The following TDRD12 variants were observed in gnomAD, a reference collection of about 807,000 sequenced individuals.
The protein encoded by TDRD12 is tudor domain containing 12, also known as putative ATP-dependent RNA helicase TDRD12.
TDRD12 carries 158 observed loss-of-function variants against 133.5 expected under a neutral mutation model. The ratio of observed to expected loss-of-function variants is 1.18; its 90% confidence interval spans 1.04 to 1.35. The LOEUF is 1.35. Ranked by LOEUF, TDRD12 falls within the 40% of genes most tolerant of loss-of-function variation. TDRD12 has a pLI of 0.00. For missense variants in TDRD12, 1,443 were observed against 1,321.3 expected, an observed-to-expected ratio of 1.09 and a Z score of -1.43; for synonymous variants, 460 against 477.9, an observed-to-expected ratio of 0.96 and a Z score of 0.49.
At chr19:32,771,601 T>TA (rs1297423638) in intron 8 of TDRD12, among the ~76,000 whole-genome samples, 1 of 151,102 alleles carries the variant, frequency 6.6e-6, no homozygotes, top group Non-Finnish European at 1.5e-5. Flanking sequence ...TTTTTTTTTT[T>TA]AACTCTTTAT....
chr19:32,743,188 TACACGCGC>T (rs1969484431), intron 4 of TDRD12, among the ~76,000 whole-genome samples: 1 of 152,270 alleles, frequency 6.6e-6, no homozygotes, highest in Admixed American at 6.5e-5. Flanking sequence ...TATACATGTG[TACACGCGC>T]ACGCGCGCAC....
rs535124824 is a variant in TDRD12 at position 32,793,536 on chromosome 19, T to C, written c.1288-1092T>C. Among the ~76,000 whole-genome samples the C allele has an allele frequency of 3.9e-5, 6 of 152,156 alleles. No homozygotes were observed. The South Asian group carries it at 1.2e-3, about 32-fold the overall frequency. On this transcript the variant is annotated intron_variant, in intron 13 of 27. Transcript: ENST00000444215. ...GACCTCACAGAGCTCATGGTGCCGA[T>C]GAGCTCGGCCATTTGGAAGATCCTA...
chr19:32,767,916 C>T (rs1001772305), intron 8 of TDRD12, among the ~76,000 whole-genome samples: 1 of 152,150 alleles, frequency 6.6e-6, no homozygotes, highest in African/African-American at 2.4e-5. Flanking sequence ...TTTGTGCTAC[C>T]TGTAAGCTAA....
chr19:32,797,864 G>A, exon 15 of TDRD12: 1 of 699,802 alleles, frequency 1.4e-6, no homozygotes, highest in South Asian at 1.5e-5. Flanking sequence ...TAAAGAGGAA[G>A]CCAAAAATAC....
At chr19:32,728,067 T>C (rs1422718660) in intron 1 of TDRD12, among the ~76,000 whole-genome samples, 1 of 152,202 alleles carries the variant, frequency 6.6e-6, no homozygotes, top group East Asian at 1.9e-4. Context: ...TCAAAAATCA[T>C]TTGACTAGAC....
At chr19:32,760,276 G>T (rs2145561263) in intron 8 of TDRD12, among the ~76,000 whole-genome samples, 1 of 152,338 alleles carries the variant, frequency 6.6e-6, no homozygotes, top group East Asian at 1.9e-4. Flanking sequence ...AAAAGATAAT[G>T]TGAGGTGTAA....
chr19:32,752,230 A>T (rs946272525), intron 6 of TDRD12, among the ~76,000 whole-genome samples: 7 of 151,398 alleles, frequency 4.6e-5, no homozygotes, highest in African/African-American at 1.7e-4. Context: ...CCCAGGCTGG[A>T]TCTCAATGGT....
downstream of TDRD12, among the ~76,000 whole-genome samples, chr19:32,822,477 G>A (rs573325444): frequency 1.3e-5 from 2 of 152,268 alleles, no homozygotes; most frequent in East Asian, 3.9e-4. Context: ...GCTGGGTGCG[G>A]TGTCTCACGC....
At chr19:32,807,424 T>G (rs116935499) in intron 21 of TDRD12, 125 bp from the exon 22 acceptor site, 9,804 of 570,994 alleles carry the variant, frequency 0.017, 128 homozygotes, top group Middle Eastern at 0.044. Context: ...GGTTATTCAG[T>G]CTTTAGGGTG....
At chr19:32,815,309 CCCTG>C in intron 25 of TDRD12, 135 bp from the exon 26 acceptor site, 2 of 672,882 alleles carry the variant, frequency 3.0e-6, no homozygotes, top group East Asian at 5.5e-5. Context: ...CCATGGAAAG[CCCTG>C]CACGTTGTGG....
intron 8 of TDRD12, among the ~76,000 whole-genome samples, chr19:32,764,622 T>C (rs1970243373): frequency 6.6e-6 from 1 of 152,256 alleles, no homozygotes; most frequent in Non-Finnish European, 1.5e-5. Flanking sequence ...TAGGTCATAC[T>C]GGTTGATAGC....
chr19:32,719,991 G>A lies in TDRD12; in HGVS notation c.-82G>A, dbSNP rs1024156380. The A allele has an allele frequency of 1.9e-5, 29 of 1,504,404 alleles. No individual in the cohort carries two copies. The South Asian group carries it at 2.4e-4, about 13-fold the overall frequency. 93.2% of individuals were successfully genotyped at this position (1,504,404 alleles called of 1,614,324 possible). On this transcript the variant is annotated 5_prime_UTR_variant, in exon 1 of 28. Coordinates refer to ENST00000444215, the Ensembl canonical transcript of TDRD12. ...ACGCACTCGCGGCGGGGGCCTGGCC[G>A]GGGCGGACGCAGCCAGCCTCACCCG... is the stretch of plus-strand genomic sequence containing the variant.
rs1486521787 is a variant in TDRD12, at chr19:32,742,774, T to C, written c.321-7T>C. On this transcript the variant is annotated splice_polypyrimidine_tract_variant and splice_region_variant and intron_variant, in intron 3 of 27. Transcript: ENST00000444215. ...TATAATGGAGCTGTTTCTGTTTTACTTTTTAGCATCCGAGTTGTAGTAGAA... is the reference window on the plus strand; with the variant it reads ...TATAATGGAGCTGTTTCTGTTTTACCTTTTAGCATCCGAGTTGTAGTAGAA... 6.4e-7 allele frequency: 1 copy of C among 1,550,738 alleles called. No homozygotes were observed. The highest frequency in any genetic ancestry group is 1.2e-5 in the South Asian group (1 of 83,542).
At chr19:32,767,309 A>G (rs777849252) in intron 8 of TDRD12, among the ~76,000 whole-genome samples, 9 of 151,418 alleles carry the variant, frequency 5.9e-5, no homozygotes, top group Non-Finnish European at 1.2e-4. Context: ...TTGTATTTTT[A>G]GTAGAGATGG....
At chr19:32,747,908 A>G (rs755050361) in intron 4 of TDRD12, among the ~76,000 whole-genome samples, 1 of 152,072 alleles carries the variant, frequency 6.6e-6, no homozygotes, top group Non-Finnish European at 1.5e-5. Context: ...CTAGCTACTC[A>G]GGAGGCTGAG....
intron 13 of TDRD12, among the ~76,000 whole-genome samples, chr19:32,793,937 GGTGCCTGACACCAC>G (rs1971144395): frequency 6.6e-6 from 1 of 151,084 alleles, no homozygotes; most frequent in Non-Finnish European, 1.5e-5. Context: ...TAGGATTACA[GGTGCCTGACACCAC>G]GCCCGGCTAA....
chr19:32,738,484 T>C (rs1482702266), intron 2 of TDRD12, among the ~76,000 whole-genome samples: 2 of 152,170 alleles, frequency 1.3e-5, no homozygotes, highest in African/African-American at 4.8e-5. Context: ...CTTTTACCTC[T>C]CTTGTTCTTT....
At chr19:32,743,033 G>A in intron 4 of TDRD12, 133 bp downstream of exon 4, 1 of 1,093,572 alleles carries the variant, frequency 9.1e-7, no homozygotes, top group South Asian at 1.8e-5. Flanking sequence ...GGGCTTCTGA[G>A]TCAGTGTTTG....
chr19:32,769,671 TC>T (rs1970390670), intron 8 of TDRD12, among the ~76,000 whole-genome samples: 1 of 152,060 alleles, frequency 6.6e-6, no homozygotes, highest in African/African-American at 2.4e-5. Flanking sequence ...AGTTTTGCTC[TC>T]ATTGCCCAGG....
Sources: allele counts gnomAD v4.1 joint callset (sites outside exome capture counted in the v4.1 genomes callset), GRCh38; gene constraint gnomAD v4.1.1; transcripts MANE v1.5; gene names NCBI Gene and HGNC (gene_info 2026-07-23, HGNC 2026-07-21).